The following RYR3 variants were observed in gnomAD, a reference collection of about 807,000 sequenced individuals.
RYR3 encodes the protein ryanodine receptor 3.
Under a neutral mutation model 584.3 loss-of-function variants are expected in RYR3, and 207 were observed. The ratio of observed to expected loss-of-function variants is 0.35; its 90% CI spans 0.32 to 0.40. The LOEUF is 0.40. Among genes scored for constraint, RYR3 ranks in the 10% least tolerant of loss-of-function variants. The pLI, the probability that RYR3 is intolerant of heterozygous loss-of-function variation, is 1.00. For synonymous variants in RYR3, 2,416 were observed against 2,248.5 expected (o/e 1.07, Z -2.11); for missense variants, 5,616 against 6,089.2 (o/e 0.92, Z 2.59).
chr15:33,694,170 C>A (rs924033109), intron 38 of RYR3, among the ~76,000 whole-genome samples: 8 of 151,856 alleles, frequency 5.3e-5, no homozygotes, highest in African/African-American at 1.9e-4. Context: ...AAAAAAATAG[C>A]AAATTTAAAT....
At chr15:33,415,028 C>T (rs2043698244) in intron 1 of RYR3, among the ~76,000 whole-genome samples, 1 of 152,178 alleles carries the variant, frequency 6.6e-6, no homozygotes. Flanking sequence ...AGTATGGTAG[C>T]CACTGGCCAT....
intron 1 of RYR3, among the ~76,000 whole-genome samples, chr15:33,395,157 G>T (rs773848242): frequency 1.3e-5 from 2 of 152,204 alleles, no homozygotes; most frequent in African/African-American, 2.4e-5. Flanking sequence ...CAAAGATGGT[G>T]TGTGATTTTA....
Position 33,456,474 on chromosome 15 carries a change from T to G in RYR3, c.52-16945T>G, listed in dbSNP as rs548561031. Among the ~76,000 whole-genome samples the G allele has an allele frequency of 6.6e-5, 10 of 152,298 alleles. No homozygotes were observed. In the South Asian group the frequency reaches 2.1e-3, roughly 32 times the overall value. On this transcript the variant is annotated intron_variant, in intron 1 of 103. Transcript: ENST00000634891. ...GTGATTGGTTGCCCAGGTTATCTTT[T>G]GGTGCTTTGCATGTGAATGTCTTCC...
intron 1 of RYR3, among the ~76,000 whole-genome samples, chr15:33,441,719 C>G (rs1239281299): frequency 6.6e-6 from 1 of 152,164 alleles, no homozygotes; most frequent in Admixed American, 6.5e-5. Flanking sequence ...AGTGAATGCC[C>G]TACTTTATAC....
intron 50 of RYR3, among the ~76,000 whole-genome samples, chr15:33,738,954 G>T (rs537032428): frequency 6.6e-6 from 1 of 152,120 alleles, no homozygotes; most frequent in South Asian, 2.1e-4. Context: ...CACTAGGCTC[G>T]AGCCAAGAGG....
chr15:33,818,895 G>T (rs780216940), intron 76 of RYR3, among the ~76,000 whole-genome samples: 2 of 152,178 alleles, frequency 1.3e-5, no homozygotes. Flanking sequence ...AAGCCAAGGC[G>T]GGCGGACCAT....
intron 10 of RYR3, among the ~76,000 whole-genome samples, chr15:33,553,532 C>T (rs891402960): frequency 4.6e-5 from 7 of 152,048 alleles, no homozygotes; most frequent in Non-Finnish European, 7.4e-5. Flanking sequence ...AGTTATTGGC[C>T]GGGCCTGGCT....
At chr15:33,313,009 G>A (rs1967571277) in intron 1 of RYR3, among the ~76,000 whole-genome samples, 1 of 152,214 alleles carries the variant, frequency 6.6e-6, no homozygotes, top group Non-Finnish European at 1.5e-5. Context: ...TGGGGTTCAA[G>A]GACCCAGGTT....
At chr15:33,445,707 A>ACACACG in intron 1 of RYR3, among the ~76,000 whole-genome samples, 2 of 149,886 alleles carry the variant, frequency 1.3e-5, no homozygotes, top group South Asian at 4.2e-4. Context: ...ACACACACAC[A>ACACACG]CACACACGAA....
intron 27 of RYR3, among the ~76,000 whole-genome samples, chr15:33,638,219 C>T (rs1437750590): frequency 3.9e-5 from 6 of 152,132 alleles, no homozygotes; most frequent in Admixed American, 2.6e-4. Context: ...GAAGGAATGG[C>T]CTGTGTGCTG....
At chr15:33,754,516 C>T (rs929689185) in intron 57 of RYR3, among the ~76,000 whole-genome samples, 6 of 151,882 alleles carry the variant, frequency 4.0e-5, no homozygotes, top group Non-Finnish European at 5.9e-5. Context: ...TATGGCTCAC[C>T]TCCTCATCTC....
chr15:33,672,176 G>T (rs1402234823), intron 38 of RYR3, among the ~76,000 whole-genome samples: 1 of 151,646 alleles, frequency 6.6e-6, no homozygotes, highest in Non-Finnish European at 1.5e-5. Context: ...GTCCCACCAG[G>T]TGACCATTTC....
chr15:33,559,481 A>C (rs767778787), intron 10 of RYR3, among the ~76,000 whole-genome samples: 67 of 152,208 alleles, frequency 4.4e-4, no homozygotes, highest in Non-Finnish European at 8.2e-4. Flanking sequence ...GACAAGGGGC[A>C]GAAGCAAGGT....
At chr15:33,796,825 C>A (rs927738445) in intron 67 of RYR3, among the ~76,000 whole-genome samples, 1 of 152,162 alleles carries the variant, frequency 6.6e-6, no homozygotes, top group Non-Finnish European at 1.5e-5. Flanking sequence ...GCACTATTCA[C>A]AACAGCAAAG....
intron 94 of RYR3, chr15:33,851,757 A>G (rs1246947388): frequency 6.6e-6 from 1 of 152,146 alleles, no homozygotes; most frequent in East Asian, 1.9e-4. Context: ...CCATTTGTAT[A>G]AATGATTTAA....
At chr15:33,670,115 G>A (rs955979378) in intron 37 of RYR3, among the ~76,000 whole-genome samples, 1 of 151,966 alleles carries the variant, frequency 6.6e-6, no homozygotes, top group African/African-American at 2.4e-5. Flanking sequence ...TCTTCCAGAG[G>A]TTTCAACACT....
intron 69 of RYR3, among the ~76,000 whole-genome samples, chr15:33,802,747 ACT>A (rs1265203219): frequency 6.6e-6 from 1 of 152,028 alleles, no homozygotes; most frequent in East Asian, 1.9e-4. Context: ...ACTTACCTTG[ACT>A]CTGTACCCCT....
chr15:33,817,477 A>T (rs2076875932), intron 75 of RYR3, among the ~76,000 whole-genome samples: 1 of 152,224 alleles, frequency 6.6e-6, no homozygotes, highest in Non-Finnish European at 1.5e-5. Context: ...ACAGAGCCTC[A>T]TTCTGGTTCA....
chr15:33,854,358 A>G lies in RYR3; in HGVS notation c.13800-31A>G, dbSNP rs115350570. 1.0e-4 allele frequency: 157 copies of G among 1,538,720 alleles called. No homozygotes were observed. The African/African-American group carries it at 1.9e-3, about 18-fold the overall frequency. The stretch of plus-strand genomic sequence containing the variant: ...AGCACTTAACTACCTCTTGACATTT[A>G]TAAGTTTTAAAATCACTTGTTCTTC... On this transcript the variant is annotated intron_variant, in intron 96 of 103. Coordinates refer to ENST00000634891, the MANE Select transcript of RYR3 (RefSeq NM_001036.6).
Sources: allele counts gnomAD v4.1 joint callset (sites outside exome capture counted in the v4.1 genomes callset), GRCh38; gene constraint gnomAD v4.1.1; transcripts MANE v1.5; gene names NCBI Gene and HGNC (gene_info 2026-07-23, HGNC 2026-07-21).